ADGRB2: variants seen among roughly 807,000 people sequenced by gnomAD.
ADGRB2 encodes the protein brain-specific angiogenesis inhibitor 2.
ADGRB2 carries 47 observed loss-of-function variants against 178.7 expected under a neutral mutation model. The observed-to-expected ratio is 0.26, with a 90% confidence interval of 0.21 to 0.34. The LOEUF is 0.34. ADGRB2 is among the 10% of genes least tolerant of loss of function. The probability of loss-of-function intolerance (pLI) is 1.00; values close to 1 mark genes in which losing one functional copy is unlikely to be tolerated. For missense variants in ADGRB2, 1,584 were observed against 2,180.8 expected (o/e 0.73, Z 5.45); for synonymous variants, 870 against 912.4 (o/e 0.95, Z 0.84).
At position 31,741,431 on chromosome 1, in the gene ADGRB2, C is replaced by A; in HGVS notation, c.1736G>T (p.Trp579Leu). 6.2e-7 allele frequency: 1 copy of A among 1,605,960 alleles called. No homozygotes were observed. Residue 579 changes from tryptophan to leucine, a missense_variant, in exon 11 of 33, where the codon TGG becomes TTG. Around this residue, in one of 3 missense-constraint regions of ADGRB2, gnomAD observed 657 missense variants for 847.6 expected, o/e 0.78. Transcript: ENST00000373658. This position sits in a 1 kb window ranked among gnomAD's most constrained non-coding sequence, Gnocchi z 6.5. ...CLLSAQGVAY[W>L]GLPSFARCIS... Reference sequence around the variant, plus strand: ...GCAGCGAGCAAAGCTGGGCAGCCCCCAGTACGCCACGCCTTGGGCACTGAG... The same window carrying A: ...GCAGCGAGCAAAGCTGGGCAGCCCCAAGTACGCCACGCCTTGGGCACTGAG...
At position 31,739,044 on chromosome 1, in the gene ADGRB2, C is replaced by G. The variant is rs573161091; in HGVS notation, c.2496-107G>C. On this transcript the variant is annotated intron_variant, in intron 15 of 32. Transcript: ENST00000373658. ...TGCAGAGGCTTCCAAGGAGCCAAGG[C>G]CCAGGGGAAGGCCTAACTCAGTGGG... is the stretch of plus-strand genomic sequence containing the variant. 68 of 1,062,302 alleles carry G rather than the reference C, an allele frequency of 6.4e-5. No individual in the cohort carries two copies. In the South Asian group the frequency reaches 9.9e-4, roughly 15 times the overall value. 65.8% of individuals were successfully genotyped at this position (1,062,302 alleles called of 1,614,324 possible).
At position 31,740,416 on chromosome 1, in the gene ADGRB2, C is replaced by G. The variant is rs1645875973; in HGVS notation, c.1920G>C (p.Val640=). ...TYYSGDLLFS[V]DILRNVTDTF... Reference sequence around the variant, plus strand: ...TGTCAGTGACATTCCTCAGAATGTCCACAGAGAAGAGCAGGTCCCCACTAT... The same window carrying G: ...TGTCAGTGACATTCCTCAGAATGTCGACAGAGAAGAGCAGGTCCCCACTAT... The change falls in exon 12 of 33, where the codon GTG becomes GTC. Residue 640 remains valine (V), a synonymous_variant. Coordinates refer to ENST00000373658, the MANE Select transcript of ADGRB2 (RefSeq NM_001364857.2). The surrounding 1 kb of genome is among the most constrained non-coding windows in gnomAD (Gnocchi z 5.9). 1 of 1,613,972 alleles carries G rather than the reference C, an allele frequency of 6.2e-7. No individual in the cohort carries two copies. Among genetic ancestry groups the G allele is most frequent in the African/African-American group, 1.3e-5 (1 of 74,954 alleles).
chr1:31,727,216 G>A lies in ADGRB2; in HGVS notation c.*204C>T. The A allele has an allele frequency of 3.7e-6, 2 of 547,870 alleles. No individual in the cohort carries two copies. The highest frequency in any genetic ancestry group is 3.0e-6 in the Non-Finnish European group (1 of 330,982). The allele number at this position is 547,870 out of a possible 1,614,324, so 33.9% of individuals were successfully genotyped here. Reference sequence around the variant, plus strand: ...GGCTGAAGATGGGGTTCCAGTGGCTGAGGGGCCTCTGAGAAACAAGGAAGG... The same window carrying A: ...GGCTGAAGATGGGGTTCCAGTGGCTAAGGGGCCTCTGAGAAACAAGGAAGG... On this transcript the variant is annotated 3_prime_UTR_variant, in exon 33 of 33. Transcript: ENST00000373658. The surrounding 1 kb of genome is among the most constrained non-coding windows in gnomAD (Gnocchi z 4.4).
At position 31,758,756 on chromosome 1, in the gene ADGRB2, C is replaced by T. The variant is rs543566251; in HGVS notation, c.-190-1245G>A. 9 of 159,004 alleles carry T rather than the reference C, an allele frequency of 5.7e-5. No homozygotes were observed. The highest frequency in any genetic ancestry group is 5.6e-4 in the East Asian group (3 of 5,358). 9.8% of individuals were successfully genotyped at this position (159,004 alleles called of 1,614,324 possible). On this transcript the variant is annotated intron_variant, in intron 1 of 32. Coordinates refer to ENST00000373658, the MANE Select transcript of ADGRB2 (RefSeq NM_001364857.2). The surrounding 1 kb of genome is among the most constrained non-coding windows in gnomAD (Gnocchi z 4.2). ...CCAAGACCCACATGGAGTTATTCGG[C>T]GGAAGCCAGACAGGCTGTGCCTCTC...
At chr1:31,738,364 C>G (rs1247951631) in intron 17 of ADGRB2, 38 bp from the exon 18 acceptor site, 1 of 1,611,790 alleles carries the variant, frequency 6.2e-7, no homozygotes, top group African/African-American at 1.3e-5. Flanking sequence ...CCCAGGCCAG[C>G]TACGTGGCCC....
Position 31,742,974 on chromosome 1 carries a change from G to A in ADGRB2, c.1116C>T (p.Ser372=). The A allele has an allele frequency of 6.5e-7, 1 of 1,529,540 alleles. No individual in the cohort carries two copies. The highest frequency in any genetic ancestry group is 8.8e-7 in the Non-Finnish European group (1 of 1,137,164). 94.7% of individuals were successfully genotyped at this position (1,529,540 alleles called of 1,614,324 possible). ...PVHGVWEEWG[S]WSLCSRSCGR... The stretch of plus-strand genomic sequence containing the variant: ...CGCAGCTGCGGGAGCACAGGCTCCA[G>A]GACCCCCACTCCTCCCACACGCCGT... The change falls in exon 7 of 33, where the codon TCC becomes TCT. Residue 372 remains serine, a synonymous_variant. Transcript: ENST00000373658.
At chr1:31,751,963 C>T (rs1646594713) in intron 4 of ADGRB2, among the ~76,000 whole-genome samples, 2 of 152,184 alleles carry the variant, frequency 1.3e-5, no homozygotes, top group South Asian at 4.1e-4. Context: ...ACTGAACCCT[C>T]CCCACAGCTC....
rs1290266803 is a variant in ADGRB2 at position 31,758,520 on chromosome 1, G to A, written c.-190-1009C>T. On this transcript the variant is annotated intron_variant, in intron 1 of 32. Coordinates refer to ENST00000373658, the MANE Select transcript of ADGRB2 (RefSeq NM_001364857.2). This position sits in a 1 kb window ranked among gnomAD's most constrained non-coding sequence, Gnocchi z 4.2. Reference sequence around the variant, plus strand: ...TTCAGGAGTCTAAACAGCAGGCAGAGGGGGGACAGAATTTAGAACCCCAAC... The same window carrying A: ...TTCAGGAGTCTAAACAGCAGGCAGAAGGGGGACAGAATTTAGAACCCCAAC... 6.5e-6 allele frequency: 1 copy of A among 152,814 alleles called. No individual in the cohort carries two copies. The highest frequency in any genetic ancestry group is 1.5e-5 in the Non-Finnish European group (1 of 68,270). The allele number at this position is 152,814 out of a possible 1,614,324, so 9.5% of individuals were successfully genotyped here. A position where few individuals can be genotyped will look rare whatever the true frequency, so the allele number is the denominator to read the frequency against.
chr1:31,742,151 T>C lies in ADGRB2; in HGVS notation c.1319A>G (p.Gln440Arg), dbSNP rs746793211. The C allele has an allele frequency of 1.5e-5, 25 of 1,613,376 alleles. No individual in the cohort carries two copies. Among genetic ancestry groups the C allele is most frequent in the Non-Finnish European group, 2.1e-5 (25 of 1,179,940 alleles). Residue 440 changes from glutamine (Q) to arginine (R), a missense_variant, in exon 8 of 33, where the codon CAA (glutamine) becomes CGA (arginine). Gln to Arg is a conservative substitution (Grantham distance 43, BLOSUM62 1). Around this residue, in one of 3 missense-constraint regions of ADGRB2, gnomAD observed 657 missense variants for 847.6 expected, o/e 0.78. Transcript: ENST00000373658. ...PCSTSCANGTQQRSRKCSVAG... is the reference protein window; with the variant it reads ...PCSTSCANGTRQRSRKCSVAG... Reference sequence around the variant, plus strand: ...CACGCTGCACTTCCGGCTGCGCTGTTGGGTCCCATTGGCACAGGACGTGGA... The same window carrying C: ...CACGCTGCACTTCCGGCTGCGCTGTCGGGTCCCATTGGCACAGGACGTGGA...
In ADGRB2 at chr1:31,738,638, G is replaced by A. The variant is rs369374133; in HGVS notation, c.2602-8C>T. On this transcript the variant is annotated splice_polypyrimidine_tract_variant and splice_region_variant and intron_variant, in intron 16 of 32. Coordinates refer to ENST00000373658, the MANE Select transcript of ADGRB2 (RefSeq NM_001364857.2). ...ATGGGGATCCGTGGTCCCCTGGGGA[G>A]CAAAAGACATGAGTGCAGTCTAGGG... is the stretch of plus-strand genomic sequence containing the variant. 213 of 1,612,248 alleles carry A rather than the reference G, an allele frequency of 1.3e-4. No individual in the cohort carries two copies. In the African/African-American group the frequency reaches 2.7e-3, roughly 20 times the overall value.
intron 25 of ADGRB2, among the ~76,000 whole-genome samples, chr1:31,734,160 A>T (rs1465075981): frequency 6.6e-6 from 1 of 152,214 alleles, no homozygotes; most frequent in Non-Finnish European, 1.5e-5. Flanking sequence ...TGTAGCCAAG[A>T]CTAAGAGAGG....
rs181281040 is a variant in ADGRB2, at chr1:31,734,884, C to A, written c.3452+299G>T. On this transcript the variant is annotated intron_variant, in intron 25 of 32. Coordinates refer to ENST00000373658, the MANE Select transcript of ADGRB2 (RefSeq NM_001364857.2). ...ATTCTAAGGCTTAAGATTGTCTGAGCCTCTGTAGGTTGGGGGTGTGGGGCG... is the reference window on the plus strand; with the variant it reads ...ATTCTAAGGCTTAAGATTGTCTGAGACTCTGTAGGTTGGGGGTGTGGGGCG... Among the ~76,000 whole-genome samples the A allele has an allele frequency of 2.3e-3, 356 of 152,268 alleles. 2 individuals are homozygous for A. The highest frequency in any genetic ancestry group is 8.3e-3 in the African/African-American group (346 of 41,510).
chr1:31,731,195 C>T lies in ADGRB2; in HGVS notation c.3985G>A (p.Glu1329Lys). 2 of 1,600,144 alleles carry T rather than the reference C, an allele frequency of 1.2e-6. No homozygotes were observed. Among genetic ancestry groups the T allele is most frequent in the Non-Finnish European group, 1.7e-6 (2 of 1,174,096 alleles). The change falls in exon 29 of 33, where the codon GAG becomes AAG. Residue 1329 changes from glutamate (E) to lysine (K), a missense_variant. This residue lies in a region of ADGRB2 where 865 missense variants were observed against 1,192.8 expected (regional missense o/e 0.73). Transcript: ENST00000373658. ...QEANPVYMCG[E>K]GGLRQLDLTW... is the part of the protein sequence containing the mutation. ...AGGTCCAGCTGCCGCAGGCCACCCTCCCCACACATGTAAACAGGGTTGGCC... is the reference window on the plus strand; with the variant it reads ...AGGTCCAGCTGCCGCAGGCCACCCTTCCCACACATGTAAACAGGGTTGGCC...
Position 31,733,060 on chromosome 1 carries a change from C to A in ADGRB2, c.3536G>T (p.Arg1179Leu). ...AAAGAGGGCCTGGAAGAGGACGGAA[C>A]GGCGGTCTGTCATAGCCAGGACGGC... is the stretch of plus-strand genomic sequence containing the variant. ...MSAVLAMTDR[R>L]SVLFQALFAV... The change falls in exon 26 of 33, where the codon CGT (arginine) becomes CTT (leucine). Residue 1179 changes from arginine to leucine, a missense_variant. Coordinates refer to ENST00000373658, the MANE Select transcript of ADGRB2 (RefSeq NM_001364857.2). The surrounding 1 kb of genome is among the most constrained non-coding windows in gnomAD (Gnocchi z 4.3). 6.3e-7 allele frequency: 1 copy of A among 1,579,868 alleles called. No individual in the cohort carries two copies. The highest frequency in any genetic ancestry group is 8.6e-7 in the Non-Finnish European group (1 of 1,162,984).
At chr1:31,748,712 G>A (rs1646404975) in intron 4 of ADGRB2, among the ~76,000 whole-genome samples, 2 of 152,224 alleles carry the variant, frequency 1.3e-5, no homozygotes, top group Admixed American at 6.5e-5. Flanking sequence ...CTTTCCCGTC[G>A]GGCTGCCAGT....
chr1:31,732,490 C>G, intron 27 of ADGRB2, 27 bp downstream of exon 27: 2 of 1,612,522 alleles, frequency 1.2e-6, no homozygotes, highest in Non-Finnish European at 1.7e-6. Flanking sequence ...AGAATCTGCC[C>G]AGGCCCTGCC....
In ADGRB2 at chr1:31,741,583, G is replaced by T; in HGVS notation, c.1687+41C>A. On this transcript the variant is annotated intron_variant, in intron 10 of 32. Coordinates refer to ENST00000373658, the MANE Select transcript of ADGRB2 (RefSeq NM_001364857.2). The surrounding 1 kb of genome is among the most constrained non-coding windows in gnomAD (Gnocchi z 6.5). ...GGGCGCAGAAGGGGGCAATGAGAAT[G>T]GCAGGGGTGGTGGTGGTGGGGAAAG... The T allele has an allele frequency of 6.2e-7, 1 of 1,606,180 alleles. No individual in the cohort carries two copies.
At position 31,756,836 on chromosome 1, in the gene ADGRB2, C is replaced by T; in HGVS notation, c.22-21G>A. 6.9e-7 allele frequency: 1 copy of T among 1,453,446 alleles called. No individual in the cohort carries two copies. Among genetic ancestry groups the T allele is most frequent in the Non-Finnish European group, 9.1e-7 (1 of 1,100,158 alleles). 90.0% of individuals were successfully genotyped at this position (1,453,446 alleles called of 1,614,324 possible). ...TTGCCCTGTGGAGAGAGACAGTGGT[C>T]AGCGGGCCCCCAGCACAGCCAGCAT... On this transcript the variant is annotated intron_variant, in intron 3 of 32. Transcript: ENST00000373658. This position sits in a 1 kb window ranked among gnomAD's most constrained non-coding sequence, Gnocchi z 8.5.
In ADGRB2 at chr1:31,744,049, G is replaced by A. The variant is rs12040661; in HGVS notation, c.1087+144C>T. 45,990 of 1,110,880 alleles carry A rather than the reference G, an allele frequency of 0.041. 1,352 individuals carry two copies. Among genetic ancestry groups the A allele is most frequent in the African/African-American group, 0.14 (8,542 of 62,868 alleles). 68.8% of individuals were successfully genotyped at this position (1,110,880 alleles called of 1,614,324 possible). ...GCCCTGCACCGGGCTGGCATGGTAC[G>A]CAGAGTTGGGCATGGTGTGGGGAAC... On this transcript the variant is annotated intron_variant, in intron 6 of 32. Transcript: ENST00000373658. This position sits in a 1 kb window ranked among gnomAD's most constrained non-coding sequence, Gnocchi z 6.7.
Sources: gnomAD v4.1 joint callset for allele counts (sites outside exome capture counted in the v4.1 genomes callset) on GRCh38, gnomAD v4.1.1 for gene constraint, gnomAD v4.1.1 regional missense constraint, Gnocchi (gnomAD v3.1) non-coding constraint, MANE v1.5 for transcripts, NCBI Gene and HGNC (gene_info 2026-07-23, HGNC 2026-07-21) for gene names.